Variants in XRN2 observed in about 807,000 individuals in gnomAD.
XRN2 encodes the protein 5'-3' exoribonuclease 2, also known as DHM1-like protein.
XRN2 carries 44 observed loss-of-function variants against 138.5 expected under a neutral mutation model. The ratio of observed to expected loss-of-function variants is 0.32; its 90% CI spans 0.25 to 0.41. The LOEUF is 0.41. XRN2 is among the 10% of genes least tolerant of loss of function. The probability of loss-of-function intolerance (pLI) is 1.00; values close to 1 mark genes in which losing one functional copy is unlikely to be tolerated. For missense variants in XRN2, 937 were observed against 1,169.3 expected (o/e 0.80, Z 2.90); for synonymous variants, 354 against 369.4 (o/e 0.96, Z 0.48).
At chr20:21,349,095 G>T (rs555992905) in intron 19 of XRN2, among the ~76,000 whole-genome samples, 1 of 152,266 alleles carries the variant, frequency 6.6e-6, no homozygotes, top group South Asian at 2.1e-4. Flanking sequence ...AGACCCAGCC[G>T]GGAAGTAGGA....
chr20:21,326,747 A>G (rs907835112), intron 3 of XRN2, 146 bp downstream of exon 3: 3 of 693,636 alleles, frequency 4.3e-6, no homozygotes, highest in African/African-American at 1.8e-5. Flanking sequence ...ATTCATTCAG[A>G]TGTTTTTTTG....
At chr20:21,373,331 A>G (rs1343686396) in intron 27 of XRN2, among the ~76,000 whole-genome samples, 3 of 152,196 alleles carry the variant, frequency 2.0e-5, no homozygotes, top group South Asian at 2.1e-4. Context: ...CATTGCTTAT[A>G]GTGTTAAATC....
intron 20 of XRN2, among the ~76,000 whole-genome samples, chr20:21,351,961 C>T (rs762352672): frequency 7.2e-5 from 11 of 152,108 alleles, no homozygotes; most frequent in African/African-American, 1.2e-4. Context: ...TAATTACTGT[C>T]GCTTTGTAGT....
At chr20:21,327,304 C>G (rs986133619) in intron 3 of XRN2, among the ~76,000 whole-genome samples, 83 of 152,126 alleles carry the variant, frequency 5.5e-4, no homozygotes, top group African/African-American at 1.8e-3. Flanking sequence ...CAAGTAGCTC[C>G]TTTTATAAAT....
intron 27 of XRN2, among the ~76,000 whole-genome samples, chr20:21,375,222 T>G (rs147161479): frequency 5.3e-5 from 8 of 149,746 alleles, no homozygotes; most frequent in Non-Finnish European, 7.4e-5. Context: ...AATTTTATTG[T>G]TTTTTTTTCC....
intron 16 of XRN2, 108 bp downstream of exon 16, chr20:21,344,316 A>T: frequency 1.3e-6 from 1 of 762,374 alleles, no homozygotes; most frequent in South Asian, 1.7e-5. Context: ...CTTGCCTGTG[A>T]TCTTTTTATC....
At chr20:21,314,971 G>A (rs1341982770) in intron 1 of XRN2, among the ~76,000 whole-genome samples, 1 of 152,194 alleles carries the variant, frequency 6.6e-6, no homozygotes, top group Admixed American at 6.5e-5. Flanking sequence ...GGCAGATAGA[G>A]TCTTGACTGC....
In XRN2 at chr20:21,335,102, T is replaced by C. The variant is rs533070777; in HGVS notation, c.1233+917T>C. On this transcript the variant is annotated intron_variant, in intron 13 of 29. Transcript: ENST00000377191. ...TTATAGAGAGGTAGAAGGAAATTCC[T>C]GAAGAGATGGGAAGCCATGCTCAAG... 8.5e-5 allele frequency among the ~76,000 whole-genome samples: 13 copies of C among 152,230 alleles called. No homozygotes were observed. In the East Asian group the frequency reaches 2.5e-3, roughly 29 times the overall value.
In XRN2 at chr20:21,338,120, C is replaced by T. The variant is rs111705546; in HGVS notation, c.1234-924C>T. Among the ~76,000 whole-genome samples, 89 of 152,222 alleles carry T rather than the reference C, an allele frequency of 5.8e-4. 1 individual carries two copies. Among genetic ancestry groups the T allele is most frequent in the African/African-American group, 2.0e-3 (82 of 41,540 alleles). On this transcript the variant is annotated intron_variant, in intron 13 of 29. Transcript: ENST00000377191. ...CACCAATTTCCAATTTCCTTAAGGC[C>T]TTATATTGCAGTTGGTAGGACTGAC...
chr20:21,374,869 C>T (rs1396156352), intron 27 of XRN2, among the ~76,000 whole-genome samples: 1 of 151,820 alleles, frequency 6.6e-6, no homozygotes, highest in Non-Finnish European at 1.5e-5. Context: ...GTCGTCATTT[C>T]TTAATTTTTA....
intron 6 of XRN2, among the ~76,000 whole-genome samples, 190 bp from the exon 7 acceptor site, chr20:21,331,371 A>T (rs2038204847): frequency 6.7e-6 from 1 of 149,430 alleles, no homozygotes; most frequent in Non-Finnish European, 1.5e-5. Context: ...TATTCAGAAA[A>T]TTTTCAGTGA....
In XRN2 at chr20:21,360,414, C is replaced by T. The variant is rs775961204; in HGVS notation, c.2255+2622C>T. Among the ~76,000 whole-genome samples the T allele has an allele frequency of 4.0e-4, 60 of 151,090 alleles. No homozygotes were observed. In the Middle Eastern group the frequency reaches 0.01, roughly 26 times the overall value. ...CTTTTCTTCTAAAGCATAATTTATA[C>T]AGTTTTTATATATGTTGTTTCCAGC... On this transcript the variant is annotated intron_variant, in intron 24 of 29. Transcript: ENST00000377191.
At chr20:21,350,584 T>TGTTTCACACTAAA (rs2038497395) in intron 20 of XRN2, among the ~76,000 whole-genome samples, 1 of 151,118 alleles carries the variant, frequency 6.6e-6, no homozygotes, top group African/African-American at 2.4e-5. Context: ...AACCAGCTGT[T>TGTTTCACACTAAA]GTTTCACACT....
intron 8 of XRN2, among the ~76,000 whole-genome samples, chr20:21,332,075 C>A (rs558485720): frequency 6.6e-6 from 1 of 152,246 alleles, no homozygotes; most frequent in South Asian, 2.1e-4. Flanking sequence ...AGTGTTTAAT[C>A]CTTAGTGGCA....
At chr20:21,346,102 C>CTTTA (rs1430307165) in intron 16 of XRN2, among the ~76,000 whole-genome samples, 1 of 152,062 alleles carries the variant, frequency 6.6e-6, no homozygotes, top group African/African-American at 2.4e-5. Context: ...TACAAAGAAA[C>CTTTA]ATATAAAGTA....
At chr20:21,365,329 G>A in intron 24 of XRN2, 92 bp from the exon 25 acceptor site, 2 of 1,213,688 alleles carry the variant, frequency 1.6e-6, no homozygotes, top group Non-Finnish European at 1.2e-6. Flanking sequence ...AATAATTTTT[G>A]GAGAGGACTT....
intron 1 of XRN2, among the ~76,000 whole-genome samples, chr20:21,319,830 C>A (rs2038012765): frequency 1.3e-5 from 2 of 152,140 alleles, no homozygotes; most frequent in Non-Finnish European, 2.9e-5. Flanking sequence ...AACTTTGTTT[C>A]CATCCACCCC....
At chr20:21,360,740 G>C (rs755003538) in intron 24 of XRN2, among the ~76,000 whole-genome samples, 3 of 152,138 alleles carry the variant, frequency 2.0e-5, no homozygotes, top group Admixed American at 1.3e-4. Context: ...GCTTATGCTT[G>C]GCAAGCAGAT....
At chr20:21,350,206 AATG>A (rs1367766657) in intron 20 of XRN2, among the ~76,000 whole-genome samples, 1 of 152,210 alleles carries the variant, frequency 6.6e-6, no homozygotes, top group African/African-American at 2.4e-5. Context: ...ACCAATATGT[AATG>A]ATGATTGAAT....
Sources: gnomAD v4.1 joint callset for allele counts (sites outside exome capture counted in the v4.1 genomes callset) on GRCh38, gnomAD v4.1.1 for gene constraint, MANE v1.5 for transcripts, NCBI Gene and HGNC (gene_info 2026-07-23, HGNC 2026-07-21) for gene names.